The following MFSD8 variants were observed in gnomAD, a reference collection of about 807,000 sequenced individuals.
MFSD8 encodes major facilitator superfamily domain-containing protein 8.
A neutral mutation model predicts 66.4 loss-of-function variants in MFSD8; 55 were observed. That is an observed-to-expected ratio of 0.83 (90% CI 0.67 to 1.04). The LOEUF is 1.04. MFSD8 is among the 50% of genes least tolerant of loss of function. MFSD8 has a pLI of 0.00. For missense variants in MFSD8, 550 were observed against 627.6 expected (o/e 0.88, Z 1.32); for synonymous variants, 202 against 212.8 (o/e 0.95, Z 0.44).
intron 1 of MFSD8, among the ~76,000 whole-genome samples, chr4:127,962,886 G>A (rs896667058): frequency 6.6e-6 from 1 of 152,128 alleles, no homozygotes; most frequent in African/African-American, 2.4e-5. Flanking sequence ...TTTGCCAAAG[G>A]GTTTTGAGTT....
chr4:127,921,410 A>C (rs1338189292), intron 11 of MFSD8, 114 bp downstream of exon 11: 1 of 1,547,182 alleles, frequency 6.5e-7, no homozygotes. Flanking sequence ...TAAATGCTGA[A>C]TATGATAAAA....
intron 3 of MFSD8, among the ~76,000 whole-genome samples, chr4:127,947,313 C>A (rs1239736894): frequency 6.6e-6 from 1 of 151,882 alleles, no homozygotes; most frequent in African/African-American, 2.4e-5. Context: ...TCGCTTGAAC[C>A]CAGGAGGTGG....
intron 9 of MFSD8, among the ~76,000 whole-genome samples, chr4:127,923,296 C>T (rs373044311): frequency 3.3e-5 from 5 of 152,028 alleles, no homozygotes; most frequent in African/African-American, 4.8e-5. Flanking sequence ...TTTTGAGATA[C>T]GTTCCATCAA....
intron 9 of MFSD8, among the ~76,000 whole-genome samples, chr4:127,922,772 C>T (rs1560719831): frequency 1.3e-5 from 2 of 152,028 alleles, no homozygotes; most frequent in Admixed American, 6.6e-5. Flanking sequence ...CTCAGGTTAA[C>T]CAAATAGTTG....
At chr4:127,946,855 C>T (rs1225748971) in intron 3 of MFSD8, among the ~76,000 whole-genome samples, 1 of 150,920 alleles carries the variant, frequency 6.6e-6, no homozygotes, top group African/African-American at 2.4e-5. Flanking sequence ...GTGGAGGCTG[C>T]AGTGAGCCAA....
Position 127,939,889 on chromosome 4 carries a change from C to A in MFSD8, c.662G>T (p.Gly221Val). 6.2e-7 allele frequency: 1 copy of A among 1,613,290 alleles called. No individual in the cohort carries two copies. Among genetic ancestry groups the A allele is most frequent in the Non-Finnish European group, 8.5e-7 (1 of 1,179,572 alleles). The change falls in exon 6 of 12, where the codon GGA becomes GTA. Residue 221 changes from glycine (G) to valine (V), a missense_variant. Gly to Val is a moderately radical substitution (Grantham distance 109). Transcript: ENST00000641686. Reference protein sequence around the residue: ...TTPVLLSAFLGILNIILILAI... With the variant: ...TTPVLLSAFLVILNIILILAI... ...AAGGATCAGAATAATATTTAAAATT[C>A]CCAGGAAGGCGCTAAGTAAAACTGG...
At chr4:127,925,433 T>C (rs192290803) in intron 9 of MFSD8, among the ~76,000 whole-genome samples, 308 of 152,000 alleles carry the variant, frequency 2.0e-3, no homozygotes, top group Admixed American at 2.6e-3. Context: ...GCAAAGGATA[T>C]GAACAGATGC....
At chr4:127,963,036 G>A (rs1054917089) in intron 1 of MFSD8, among the ~76,000 whole-genome samples, 3 of 152,048 alleles carry the variant, frequency 2.0e-5, no homozygotes, top group Non-Finnish European at 2.9e-5. Context: ...TAGTAATTCC[G>A]TTTTCCTAAA....
chr4:127,937,512 T>C (rs777100446), intron 7 of MFSD8, among the ~76,000 whole-genome samples: 4 of 152,194 alleles, frequency 2.6e-5, no homozygotes, highest in Non-Finnish European at 5.9e-5. Context: ...AAATTAATAC[T>C]TTTACACTGT....
At chr4:127,938,582 CAAAAAAA>C (rs1174151589) in intron 7 of MFSD8, among the ~76,000 whole-genome samples, 194 bp downstream of exon 7, 2 of 110,544 alleles carry the variant, frequency 1.8e-5, no homozygotes, top group African/African-American at 7.0e-5. Flanking sequence ...AACTCTGTCT[CAAAAAAA>C]AAAAAATAAA....
chr4:127,963,843 G>T (rs1579027261), intron 1 of MFSD8, among the ~76,000 whole-genome samples: 2 of 152,180 alleles, frequency 1.3e-5, no homozygotes, highest in South Asian at 4.1e-4. Context: ...CCCACATCCT[G>T]CTGATTGGTA....
chr4:127,959,323 G>A lies in MFSD8; in HGVS notation c.63-1731C>T, dbSNP rs373963293. ...GGTCAAAGGATAGTTTTAGGTTAGGGGAGTCTAAAAAGACCTAACAACAAA... is the reference window on the plus strand; with the variant it reads ...GGTCAAAGGATAGTTTTAGGTTAGGAGAGTCTAAAAAGACCTAACAACAAA... On this transcript the variant is annotated intron_variant, in intron 1 of 11. Coordinates refer to ENST00000641686, the MANE Select transcript of MFSD8 (RefSeq NM_001371596.2). Among the ~76,000 whole-genome samples, 22 of 152,170 alleles carry A rather than the reference G, an allele frequency of 1.4e-4. 1 individual carries two copies. In the South Asian group the frequency reaches 3.9e-3, roughly 27 times the overall value.
chr4:127,965,571 C>T (rs890288935), upstream of MFSD8: 4 of 235,528 alleles, frequency 1.7e-5, no homozygotes, highest in Non-Finnish European at 2.6e-5. Context: ...CTGGGAGGCC[C>T]GGCCAGCTCG....
chr4:127,964,773 G>A (rs1326639104), intron 1 of MFSD8: 3 of 540,980 alleles, frequency 5.5e-6, no homozygotes, highest in African/African-American at 3.8e-5. Context: ...CAAGGGCTGT[G>A]AGGACTGCCA....
rs1195058346 is a variant in MFSD8, at chr4:127,938,355, G to A, written c.754+428C>T. On this transcript the variant is annotated intron_variant, in intron 7 of 11. Transcript: ENST00000641686. ...TCCCAGCACTTTGGGAGGCCGAGGC[G>A]GGTGGATCACAAGGTCAGGAGATCG... Among the ~76,000 whole-genome samples, 11 of 151,916 alleles carry A rather than the reference G, an allele frequency of 7.2e-5. No individual in the cohort carries two copies. The South Asian group carries it at 1.7e-3, about 23-fold the overall frequency.
intron 9 of MFSD8, among the ~76,000 whole-genome samples, chr4:127,927,611 C>T (rs1002703319): frequency 6.6e-6 from 1 of 152,190 alleles, no homozygotes; most frequent in African/African-American, 2.4e-5. Flanking sequence ...TAATGTTCCA[C>T]CATAGACTAT....
rs79076823 is a variant in MFSD8, at chr4:127,943,501, C to T, written c.439+251G>A. The T allele has an allele frequency of 0.015, 6,692 of 438,374 alleles. 72 individuals are homozygous for T. The highest frequency in any genetic ancestry group is 0.021 in the Non-Finnish European group (4,946 of 240,094). 27.2% of individuals were successfully genotyped at this position (438,374 alleles called of 1,614,324 possible). ...TCCTGAGTAGCTGGTATTATAGGCA[C>T]GTGCCACCACACCTGGTTTAAACTG... On this transcript the variant is annotated intron_variant, in intron 4 of 11. Transcript: ENST00000641686.
chr4:127,939,247 A>G (rs1161908246), intron 6 of MFSD8: 1 of 156,342 alleles, frequency 6.4e-6, no homozygotes, highest in Non-Finnish European at 1.4e-5. Flanking sequence ...TAAGACTGAT[A>G]CAAATCCATT....
At chr4:127,930,630 T>C (rs957557272) in intron 9 of MFSD8, 53 bp downstream of exon 9, 3 of 1,601,572 alleles carry the variant, frequency 1.9e-6, no homozygotes, top group Non-Finnish European at 2.6e-6. Context: ...GTTAGCTCTG[T>C]TTTTTGTTTT....
Sources: gnomAD v4.1 joint callset for allele counts (sites outside exome capture counted in the v4.1 genomes callset) on GRCh38, gnomAD v4.1.1 for gene constraint, MANE v1.5 for transcripts, NCBI Gene and HGNC (gene_info 2026-07-23, HGNC 2026-07-21) for gene names.